USP22: variants seen among roughly 807,000 people sequenced by gnomAD.
USP22 encodes ubiquitin specific peptidase 22.
A neutral mutation model predicts 68.1 loss-of-function variants in USP22; 22 were observed. That is an observed-to-expected ratio of 0.32 (90% CI 0.23 to 0.46). USP22 has a LOEUF of 0.46. Ranked by LOEUF, USP22 falls within the 20% of genes least tolerant of loss-of-function variation. The probability of loss-of-function intolerance (pLI) is 1.00; values close to 1 mark genes in which losing one functional copy is unlikely to be tolerated. For missense variants in USP22, 433 were observed against 695.8 expected (o/e 0.62, Z 4.25); for synonymous variants, 279 against 274.2 (o/e 1.02, Z -0.17).
In USP22 at chr17:21,021,191, G is replaced by T; in HGVS notation, c.340C>A (p.Leu114Met). 6.2e-7 allele frequency: 1 copy of T among 1,614,044 alleles called. No homozygotes were observed. Reference protein sequence around the residue: ...DLMYGGIYCFLCQDYIYDKDM... With the variant: ...DLMYGGIYCFMCQDYIYDKDM... ...TTGTCATAGATGTAGTCCTGGCACA[G>T]AAAACAGTAGATGCCTCCGTACATC... is the stretch of plus-strand genomic sequence containing the variant. The change falls in exon 3 of 13, where the codon CTG (leucine) becomes ATG (methionine). Residue 114 changes from leucine to methionine, a missense_variant. By Grantham distance (15) the Leu-to-Met change is conservative. This residue lies in a region of USP22 where 144 missense variants were observed against 237.2 expected (regional missense o/e 0.61). Coordinates refer to ENST00000261497, the MANE Select transcript of USP22 (RefSeq NM_015276.2).
intron 2 of USP22, among the ~76,000 whole-genome samples, chr17:21,024,323 G>A (rs1369414474): frequency 1.3e-5 from 2 of 152,156 alleles, no homozygotes; most frequent in African/African-American, 4.8e-5. Context: ...CTGGGAAGAC[G>A]GATCACCATT....
At chr17:21,037,150 C>A (rs1371834124) in intron 1 of USP22, among the ~76,000 whole-genome samples, 4 of 152,198 alleles carry the variant, frequency 2.6e-5, no homozygotes, top group Non-Finnish European at 5.9e-5. Flanking sequence ...TGGATGATAA[C>A]CCAAAGCATA....
chr17:21,030,673 G>T (rs1378754642), intron 1 of USP22, among the ~76,000 whole-genome samples: 1 of 152,072 alleles, frequency 6.6e-6, no homozygotes, highest in Non-Finnish European at 1.5e-5. Context: ...CCAAATTGAA[G>T]GACTTCTGCA....
At chr17:21,007,625 T>C (rs1330065085) in intron 9 of USP22, among the ~76,000 whole-genome samples, 1 of 152,168 alleles carries the variant, frequency 6.6e-6, no homozygotes. Context: ...TCACAACCAC[T>C]CTGCTCCCAA....
At chr17:21,035,556 G>C (rs1972343037) in intron 1 of USP22, among the ~76,000 whole-genome samples, 1 of 151,408 alleles carries the variant, frequency 6.6e-6, no homozygotes, top group Non-Finnish European at 1.5e-5. Context: ...TTCCACTGTT[G>C]AGTATGCAAA....
At chr17:21,034,440 G>C (rs1045585129) in intron 1 of USP22, among the ~76,000 whole-genome samples, 1 of 152,172 alleles carries the variant, frequency 6.6e-6, no homozygotes, top group Admixed American at 6.5e-5. Context: ...CTTACCTACA[G>C]TTCCGCTTGC....
chr17:21,012,958 G>A, intron 6 of USP22, 23 bp from the exon 7 acceptor site: 1 of 1,608,432 alleles, frequency 6.2e-7, no homozygotes, highest in Non-Finnish European at 8.5e-7. Context: ...CACGGCTCTG[G>A]GATTAGTGTC....
intron 12 of USP22, 49 bp from the exon 13 acceptor site, chr17:21,003,122 G>A (rs1333862001): frequency 3.1e-6 from 5 of 1,609,526 alleles, no homozygotes; most frequent in East Asian, 2.2e-5. Flanking sequence ...TCCTAAGACA[G>A]GAGCCAGAAC....
chr17:21,002,891 G>A lies in USP22; in HGVS notation c.*140C>T, dbSNP rs1488967592. On this transcript the variant is annotated 3_prime_UTR_variant, in exon 13 of 13. Transcript: ENST00000261497. ...CGACCCGATGGGTCCCAGGTGCAGA[G>A]GGGCCACATCTGCATGGGAGGTGGT... 78 of 1,019,426 alleles carry A rather than the reference G, an allele frequency of 7.7e-5. 1 individual carries two copies. The East Asian group carries it at 1.3e-3, about 17-fold the overall frequency. The allele number at this position is 1,019,426 out of a possible 1,614,324, so 63.1% of individuals were successfully genotyped here.
chr17:21,023,570 G>A lies in USP22; in HGVS notation c.305-2344C>T, dbSNP rs142490918. Among the ~76,000 whole-genome samples the A allele has an allele frequency of 2.6e-3, 389 of 146,968 alleles. 2 individuals are homozygous for A. The highest frequency in any genetic ancestry group is 9.1e-3 in the African/African-American group (368 of 40,646). On this transcript the variant is annotated intron_variant, in intron 2 of 12. Coordinates refer to ENST00000261497, the MANE Select transcript of USP22 (RefSeq NM_015276.2). ...TTAGGTGGAAGGATGGCTTGAGCCC[G>A]GAAGGCAGAGGCTGCAGTGAGCCAA...
intron 7 of USP22, chr17:21,011,734 G>A (rs1321569662): frequency 1.2e-5 from 2 of 166,564 alleles, no homozygotes; most frequent in African/African-American, 4.8e-5. Context: ...GGCCAGGCCC[G>A]GTGGCCTGCA....
In USP22 at chr17:21,004,903, A is replaced by G. The variant is rs760427759; in HGVS notation, c.1385+25T>C. 3.1e-6 allele frequency: 5 copies of G among 1,613,410 alleles called. No homozygotes were observed. The African/African-American group carries it at 5.3e-5, about 17-fold the overall frequency. On this transcript the variant is annotated intron_variant, in intron 11 of 12. Coordinates refer to ENST00000261497, the MANE Select transcript of USP22 (RefSeq NM_015276.2). The stretch of plus-strand genomic sequence containing the variant: ...CAGCTCTTGGCCAGAGGCCCTGGAC[A>G]CCCACACCGCTAAGCACCACTTACT...
intron 4 of USP22, 63 bp downstream of exon 4, chr17:21,019,021 T>A: frequency 6.5e-7 from 1 of 1,543,196 alleles, no homozygotes; most frequent in Non-Finnish European, 9.0e-7. Context: ...AACCCACAAT[T>A]CTGTATTTAC....
intron 6 of USP22, 199 bp downstream of exon 6, chr17:21,015,551 TAA>T: frequency 1.4e-6 from 1 of 700,742 alleles, no homozygotes; most frequent in Non-Finnish European, 2.2e-6. Flanking sequence ...CCTCGCCTCT[TAA>T]AAATAAACTA....
chr17:21,007,899 G>A lies in USP22; in HGVS notation c.1201C>T (p.Leu401=), dbSNP rs749957631. 3 of 1,614,100 alleles carry A rather than the reference G, an allele frequency of 1.9e-6. No individual in the cohort carries two copies. The Admixed American group carries it at 5.0e-5, about 27-fold the overall frequency. Residue 401 remains leucine (L), a synonymous_variant, in exon 9 of 13, where the codon CTG becomes TTG. Transcript: ENST00000261497. ...ESTKQLTMKK[L]PIVACFHLKR... is the part of the protein sequence containing the mutation. ...AGATGAAAACAGGCTACGATGGGCA[G>A]TTTCTTCATAGTGAGCTGCTTTGTG...
chr17:21,015,611 T>C, intron 6 of USP22, 141 bp downstream of exon 6: 3 of 1,235,344 alleles, frequency 2.4e-6, no homozygotes, highest in Non-Finnish European at 3.2e-6. Context: ...CAGAAACAAA[T>C]GACGACAAGG....
chr17:21,012,247 G>C (rs867976004), intron 7 of USP22, among the ~76,000 whole-genome samples: 1 of 151,964 alleles, frequency 6.6e-6, no homozygotes, highest in Admixed American at 6.6e-5. Flanking sequence ...ACATACACAA[G>C]ACCCCATGCC....
chr17:21,036,622 C>T (rs1972361554), intron 1 of USP22, among the ~76,000 whole-genome samples: 1 of 151,390 alleles, frequency 6.6e-6, no homozygotes, highest in Non-Finnish European at 1.5e-5. Context: ...AGATTGTCGA[C>T]AGTGGGAGCC....
At chr17:21,008,975 C>A (rs1454084871) in intron 8 of USP22, among the ~76,000 whole-genome samples, 1 of 151,364 alleles carries the variant, frequency 6.6e-6, no homozygotes, top group African/African-American at 2.4e-5. Context: ...CCTATAATCC[C>A]AGCTACTCAG....
Sources: allele counts gnomAD v4.1 joint callset (sites outside exome capture counted in the v4.1 genomes callset), GRCh38; gene constraint gnomAD v4.1.1; regional missense constraint gnomAD v4.1.1; transcripts MANE v1.5; gene names NCBI Gene and HGNC (gene_info 2026-07-23, HGNC 2026-07-21).